The following PTP4A1 variants were observed in gnomAD, a reference collection of about 807,000 sequenced individuals.
The protein encoded by PTP4A1 is protein tyrosine phosphatase type IVA 1.
In PTP4A1, 9 loss-of-function variants were observed where a neutral mutation model predicts 20.5. The observed-to-expected ratio is 0.44, with a 90% confidence interval of 0.26 to 0.77. The LOEUF (loss-of-function observed/expected upper bound fraction) is 0.77, where lower values mean the gene tolerates loss of function less well. Ranked by LOEUF, PTP4A1 falls within the 30% of genes least tolerant of loss-of-function variation. PTP4A1 has a pLI of 0.19. For missense variants in PTP4A1, 137 were observed against 218.8 expected (o/e 0.63, Z 2.36); for synonymous variants, 78 against 67.4 (o/e 1.16, Z -0.77).
At chr6:63,533,569 T>A (rs1775568825) in intron 2 of PTP4A1, among the ~76,000 whole-genome samples, 1 of 152,180 alleles carries the variant, frequency 6.6e-6, no homozygotes, top group Non-Finnish European at 1.5e-5. Flanking sequence ...TTGTTTAATC[T>A]TGAATACAAA....
chr6:63,578,395 G>A, intron 2 of PTP4A1, 42 bp from the exon 3 acceptor site: 1 of 1,576,380 alleles, frequency 6.3e-7, no homozygotes. Context: ...TTATAGTGAT[G>A]TGGTTAAACA....
chr6:63,523,165 C>T (rs1285068305), intron 1 of PTP4A1, among the ~76,000 whole-genome samples: 2 of 151,914 alleles, frequency 1.3e-5, no homozygotes, highest in East Asian at 1.9e-4. Flanking sequence ...AGTACCCAGC[C>T]GAATCACTCT....
At chr6:63,568,897 C>CTAGATT (rs1777297543), upstream of PTP4A1, among the ~76,000 whole-genome samples, 1 of 152,144 alleles carries the variant, frequency 6.6e-6, no homozygotes, top group African/African-American at 2.4e-5. Flanking sequence ...CAGACACTTA[C>CTAGATT]TAGATTATGG....
At chr6:63,536,274 G>A (rs2149480911) in intron 2 of PTP4A1, among the ~76,000 whole-genome samples, 1 of 152,214 alleles carries the variant, frequency 6.6e-6, no homozygotes, top group East Asian at 1.9e-4. Flanking sequence ...AGGTTGCAGT[G>A]AGCTGAAATC....
At chr6:63,558,307 A>T (rs1776776386) in intron 3 of PTP4A1, among the ~76,000 whole-genome samples, 1 of 152,202 alleles carries the variant, frequency 6.6e-6, no homozygotes, top group Non-Finnish European at 1.5e-5. Context: ...GAGAGAAAGA[A>T]GCAGGGAAGG....
At chr6:63,551,091 A>T (rs1234031701) in intron 3 of PTP4A1, among the ~76,000 whole-genome samples, 9 of 147,764 alleles carry the variant, frequency 6.1e-5, no homozygotes, top group Non-Finnish European at 7.5e-5. Flanking sequence ...TTTGAGATGG[A>T]GTCTCCCTCT....
At chr6:63,572,281 C>T (rs1338073267), upstream of PTP4A1, 6 of 193,156 alleles carry the variant, frequency 3.1e-5, no homozygotes, top group Non-Finnish European at 6.3e-5. Flanking sequence ...CCTCCCCCGC[C>T]CCGGGGATGC....
At chr6:63,528,963 C>A (rs1234493478) in intron 2 of PTP4A1, among the ~76,000 whole-genome samples, 1 of 151,696 alleles carries the variant, frequency 6.6e-6, no homozygotes, top group African/African-American at 2.4e-5. Flanking sequence ...GTGGCACATG[C>A]CTGTAATCCC....
chr6:63,516,884 A>G (rs1581902617), upstream of PTP4A1, among the ~76,000 whole-genome samples: 1 of 152,204 alleles, frequency 6.6e-6, no homozygotes, highest in East Asian at 1.9e-4. Flanking sequence ...ATTGGAAGCT[A>G]TATGTGCCAG....
rs571357937 is a variant in PTP4A1, at chr6:63,545,888, T to G, written c.-639-4412T>G. On this transcript the variant is annotated intron_variant, in intron 2 of 3. Coordinates refer to the PTP4A1 transcript ENST00000639568. ...AGAAAAAAAAGAAAAGAAAGAAAAA[T>G]AAAAATAAACCTGGTTCTGTTATTC... Among the ~76,000 whole-genome samples the G allele has an allele frequency of 5.3e-5, 8 of 152,014 alleles. No individual in the cohort carries two copies. The East Asian group carries it at 1.2e-3, about 22-fold the overall frequency.
intron 3 of PTP4A1, 37 bp downstream of exon 3, chr6:63,578,566 G>A: frequency 1.9e-6 from 3 of 1,583,018 alleles, no homozygotes; most frequent in Non-Finnish European, 1.7e-6. Context: ...TTATGGTGCT[G>A]TGCTACAAAA....
chr6:63,572,490 G>C lies in PTP4A1; in HGVS notation c.-675G>C, dbSNP rs943637330. 5.2e-6 allele frequency: 2 copies of C among 387,824 alleles called. No individual in the cohort carries two copies. The highest frequency in any genetic ancestry group is 9.1e-6 in the Non-Finnish European group (2 of 219,146). 24.0% of individuals were successfully genotyped at this position (387,824 alleles called of 1,614,324 possible). Reference sequence around the variant, plus strand: ...TTGTGACGCAAGGGCGCCTCGGCGCGTGTATTGGCTCCTTCGGCTGCGGGC... The same window carrying C: ...TTGTGACGCAAGGGCGCCTCGGCGCCTGTATTGGCTCCTTCGGCTGCGGGC... On this transcript the variant is annotated 5_prime_UTR_variant, in exon 1 of 6. Transcript: ENST00000626021.
intron 2 of PTP4A1, among the ~76,000 whole-genome samples, chr6:63,548,287 T>C (rs1313266434): frequency 6.6e-6 from 1 of 152,254 alleles, no homozygotes; most frequent in Non-Finnish European, 1.5e-5. Context: ...ATAACTTTTC[T>C]GTACCTCAGT....
chr6:63,529,089 C>A (rs1775322361), intron 2 of PTP4A1, among the ~76,000 whole-genome samples: 1 of 138,200 alleles, frequency 7.2e-6, no homozygotes, highest in African/African-American at 3.0e-5. Context: ...AACTCCATCT[C>A]AAAATATATA....
chr6:63,580,463 T>C lies in PTP4A1; in HGVS notation c.*289T>C, dbSNP rs569510631. On this transcript the variant is annotated 3_prime_UTR_variant, in exon 6 of 6. Coordinates refer to ENST00000626021, the MANE Select transcript of PTP4A1 (RefSeq NM_003463.5). ...TCATGCAGTATTGAGTTATGACTTG[T>C]TAAATCTATTCCCATGCCAGAATCT... 1.4e-4 allele frequency: 38 copies of C among 267,816 alleles called. No individual in the cohort carries two copies. Among genetic ancestry groups the C allele is most frequent in the East Asian group, 9.6e-4 (14 of 14,548 alleles). 16.6% of individuals were successfully genotyped at this position (267,816 alleles called of 1,614,324 possible).
At chr6:63,562,182 A>T in intron 3 of PTP4A1, among the ~76,000 whole-genome samples, 1 of 150,496 alleles carries the variant, frequency 6.6e-6, no homozygotes, top group Middle Eastern at 3.4e-3. Flanking sequence ...TCTTAAAGAC[A>T]TTAAGATATT....
chr6:63,548,845 T>C (rs1236280368), intron 2 of PTP4A1: 2 of 757,986 alleles, frequency 2.6e-6, no homozygotes, highest in Admixed American at 1.7e-5. Flanking sequence ...TCAGTCCTGA[T>C]AGCTCCCACT....
upstream of PTP4A1, chr6:63,571,689 C>G (rs2149504647): frequency 6.6e-6 from 1 of 152,334 alleles, no homozygotes; most frequent in East Asian, 1.9e-4. Flanking sequence ...ACAAAGGATG[C>G]ATGTGATTTC....
At chr6:63,539,045 A>C (rs1775838603) in intron 2 of PTP4A1, among the ~76,000 whole-genome samples, 1 of 152,002 alleles carries the variant, frequency 6.6e-6, no homozygotes, top group Non-Finnish European at 1.5e-5. Context: ...GGTGTGCGCC[A>C]CCATACCCGG....
Sources: allele counts gnomAD v4.1 joint callset (sites outside exome capture counted in the v4.1 genomes callset), GRCh38; gene constraint gnomAD v4.1.1; transcripts MANE v1.5; gene names NCBI Gene and HGNC (gene_info 2026-07-23, HGNC 2026-07-21).